Variants in SSBP2 observed in about 807,000 individuals in gnomAD.
The protein encoded by SSBP2 is single-stranded DNA-binding protein 2.
In SSBP2, 17 loss-of-function variants were observed where a neutral mutation model predicts 61.8. The observed-to-expected ratio is 0.28, with a 90% confidence interval of 0.19 to 0.41. SSBP2 has a LOEUF of 0.41. SSBP2 is among the 10% of genes least tolerant of loss of function. The pLI, the probability that SSBP2 is intolerant of heterozygous loss-of-function variation, is 1.00. For missense variants in SSBP2, 310 were observed against 458.7 expected, an observed-to-expected ratio of 0.68 and a Z score of 2.96; for synonymous variants, 139 against 141.3, an observed-to-expected ratio of 0.98 and a Z score of 0.12.
At chr5:81,679,605 T>C (rs1752238554) in intron 1 of SSBP2, among the ~76,000 whole-genome samples, 1 of 152,014 alleles carries the variant, frequency 6.6e-6, no homozygotes, top group Admixed American at 6.6e-5. Flanking sequence ...ATTGATATGC[T>C]AAAAAAGGAG....
At chr5:81,739,300 A>T (rs2154014788) in intron 1 of SSBP2, among the ~76,000 whole-genome samples, 1 of 152,044 alleles carries the variant, frequency 6.6e-6, no homozygotes, top group South Asian at 2.1e-4. Context: ...TTCACCAACT[A>T]TATCATACCT....
rs139624975 is a variant in SSBP2, at chr5:81,428,635, C to T, written c.1006G>A (p.Asp336Asn). ...AAATTTCCCCCCATTTCGCCATCAT[C>T]CCTTGGAGTGCCCGGTTGATTACTC... The change falls in exon 16 of 17, where the codon GAT (aspartate) becomes AAT (asparagine). Residue 336 changes from aspartate to asparagine, a missense_variant. This residue lies in a region of SSBP2 where 44 missense variants were observed against 86.2 expected (regional missense o/e 0.51). Transcript: ENST00000320672. The T allele has an allele frequency of 2.5e-6, 4 of 1,613,368 alleles. No individual in the cohort carries two copies. The highest frequency in any genetic ancestry group is 3.4e-6 in the Non-Finnish European group (4 of 1,179,588).
chr5:81,648,830 AAAAAG>A (rs1296054337), intron 2 of SSBP2, among the ~76,000 whole-genome samples: 1 of 152,084 alleles, frequency 6.6e-6, no homozygotes, highest in Non-Finnish European at 1.5e-5. Flanking sequence ...AGCCACATTT[AAAAAG>A]AAAAGGTAAA....
chr5:81,677,648 G>A (rs1752083003), intron 1 of SSBP2, among the ~76,000 whole-genome samples: 1 of 152,078 alleles, frequency 6.6e-6, no homozygotes, highest in South Asian at 2.1e-4. Context: ...CTATCAAGGG[G>A]AGAAATAAAG....
chr5:81,659,459 G>C (rs761885425), intron 1 of SSBP2, among the ~76,000 whole-genome samples: 1 of 152,058 alleles, frequency 6.6e-6, no homozygotes, highest in Admixed American at 6.6e-5. Context: ...CAACTTACAA[G>C]GGATGTGAAG....
chr5:81,473,751 C>G lies in SSBP2; in HGVS notation c.519G>C (p.Gly173=), dbSNP rs373198784. Residue 173 remains glycine, a synonymous_variant, in exon 8 of 17, where the codon GGG becomes GGC. Coordinates refer to ENST00000320672, the MANE Select transcript of SSBP2 (RefSeq NM_012446.5). The stretch of plus-strand genomic sequence containing the variant: ...TTGGAGGAGTCATTCTCTGCATTGG[C>G]CCACCCATATTTGGATGTCCTAAAA... 19 of 1,613,748 alleles carry G rather than the reference C, an allele frequency of 1.2e-5. No homozygotes were observed. The African/African-American group carries it at 2.5e-4, about 22-fold the overall frequency.
chr5:81,462,452 T>C (rs1764605653), intron 9 of SSBP2, among the ~76,000 whole-genome samples: 1 of 152,168 alleles, frequency 6.6e-6, no homozygotes, highest in South Asian at 2.1e-4. Context: ...CTATTAGGAA[T>C]GCCCAAGTGG....
intron 4 of SSBP2, among the ~76,000 whole-genome samples, chr5:81,528,073 T>C (rs1208399593): frequency 6.6e-6 from 1 of 151,970 alleles, no homozygotes; most frequent in Non-Finnish European, 1.5e-5. Flanking sequence ...TCTATTGTGG[T>C]ACCTACCGTA....
At position 81,432,904 on chromosome 5, in the gene SSBP2, C is replaced by T. The variant is rs1358241170; in HGVS notation, c.958-4221G>A. ...CTGGGAAGTGAGGAGCCCCTCTGCC[C>T]GGCCAGCCACCCCGTCCGGGAGGGA... On this transcript the variant is annotated intron_variant, in intron 15 of 16. Transcript: ENST00000320672. Among the ~76,000 whole-genome samples, 10 of 141,226 alleles carry T rather than the reference C, an allele frequency of 7.1e-5. No homozygotes were observed. The East Asian group carries it at 1.1e-3, about 16-fold the overall frequency. 92.6% of individuals were successfully genotyped at this position (141,226 alleles called of 152,430 possible).
At chr5:81,548,522 C>T (rs1315244441) in intron 4 of SSBP2, among the ~76,000 whole-genome samples, 1 of 152,114 alleles carries the variant, frequency 6.6e-6, no homozygotes, top group African/African-American at 2.4e-5. Flanking sequence ...ATTACTTCTG[C>T]CCAAGTAGTA....
chr5:81,533,692 C>A (rs549887049), intron 4 of SSBP2, among the ~76,000 whole-genome samples: 1 of 152,124 alleles, frequency 6.6e-6, no homozygotes, highest in East Asian at 1.9e-4. Context: ...GAGAGACAAA[C>A]AGGTAGATAC....
intron 4 of SSBP2, among the ~76,000 whole-genome samples, chr5:81,522,037 C>T (rs923705568): frequency 2.0e-5 from 3 of 151,770 alleles, no homozygotes; most frequent in Non-Finnish European, 2.9e-5. Flanking sequence ...CCTTCTTTTC[C>T]GAAACTATCC....
At chr5:81,547,795 C>G (rs990522939) in intron 4 of SSBP2, among the ~76,000 whole-genome samples, 1 of 151,948 alleles carries the variant, frequency 6.6e-6, no homozygotes, top group Non-Finnish European at 1.5e-5. Context: ...ATGCATATTA[C>G]TAAGTGAAGG....
In SSBP2 at chr5:81,488,087, C is replaced by T. The variant is rs887351161; in HGVS notation, c.432+1163G>A. ...TAAAATATCATATATTATATATATA[C>T]ACACACACACCACATTTTTTATATC... is the stretch of plus-strand genomic sequence containing the variant. On this transcript the variant is annotated intron_variant, in intron 6 of 16. Coordinates refer to ENST00000320672, the MANE Select transcript of SSBP2 (RefSeq NM_012446.5). Among the ~76,000 whole-genome samples the T allele has an allele frequency of 6.8e-5, 8 of 117,552 alleles. 1 individual carries two copies. Among genetic ancestry groups the T allele is most frequent in the South Asian group, 3.1e-4 (1 of 3,238 alleles). The allele number at this position is 117,552 out of a possible 152,430, so 77.1% of individuals were successfully genotyped here. A position where few individuals can be genotyped will look rare whatever the true frequency, so the allele number is the denominator to read the frequency against.
chr5:81,555,946 T>C (rs980623762), intron 4 of SSBP2, among the ~76,000 whole-genome samples: 2 of 152,104 alleles, frequency 1.3e-5, no homozygotes, highest in Non-Finnish European at 1.5e-5. Flanking sequence ...ATAGTAAATA[T>C]ATTAGGCTTT....
intron 8 of SSBP2, among the ~76,000 whole-genome samples, chr5:81,470,226 G>A (rs1765162159): frequency 6.6e-6 from 1 of 151,726 alleles, no homozygotes; most frequent in African/African-American, 2.4e-5. Context: ...TAATCACGTG[G>A]CACTTACTGC....
intron 16 of SSBP2, among the ~76,000 whole-genome samples, chr5:81,423,476 G>A (rs2153890816): frequency 6.6e-6 from 1 of 152,322 alleles, no homozygotes; most frequent in Middle Eastern, 3.4e-3. Context: ...TGGGTGTGGT[G>A]GCTCATGCCT....
chr5:81,432,529 G>A (rs923696049), intron 15 of SSBP2, among the ~76,000 whole-genome samples: 17 of 152,078 alleles, frequency 1.1e-4, no homozygotes, highest in African/African-American at 1.2e-4. Context: ...GGCAGATCAC[G>A]ATGTCAGGAG....
chr5:81,585,229 GTC>G (rs1774970016), intron 4 of SSBP2, among the ~76,000 whole-genome samples: 1 of 151,912 alleles, frequency 6.6e-6, no homozygotes. Flanking sequence ...ACATTACTCT[GTC>G]TCTCTGGCAT....
Sources: allele counts gnomAD v4.1 joint callset (sites outside exome capture counted in the v4.1 genomes callset), GRCh38; gene constraint gnomAD v4.1.1; regional missense constraint gnomAD v4.1.1; transcripts MANE v1.5; gene names NCBI Gene and HGNC (gene_info 2026-07-23, HGNC 2026-07-21).